Variants in GRID1 observed in about 807,000 individuals in gnomAD.
GRID1 encodes glutamate ionotropic receptor delta type subunit 1, also known as glutamate receptor ionotropic, delta-1.
Under a neutral mutation model 98.0 loss-of-function variants are expected in GRID1, and 28 were observed. The ratio of observed to expected loss-of-function variants is 0.29; its 90% confidence interval spans 0.21 to 0.39. GRID1 has a LOEUF of 0.39. GRID1 is among the 10% of genes least tolerant of loss of function. The probability of loss-of-function intolerance (pLI) is 1.00; values close to 1 mark genes in which losing one functional copy is unlikely to be tolerated. For missense variants in GRID1, 1,111 were observed against 1,340.5 expected, an observed-to-expected ratio of 0.83 and a Z score of 2.67; for synonymous variants, 553 against 538.5, an observed-to-expected ratio of 1.03 and a Z score of -0.37.
intron 15 of GRID1, chr10:85,607,144 C>T (rs1464934619): frequency 6.6e-6 from 1 of 152,194 alleles, no homozygotes; most frequent in Non-Finnish European, 1.5e-5. Flanking sequence ...CATTGTCTTG[C>T]AGAGATAAAG....
intron 12 of GRID1, among the ~76,000 whole-genome samples, chr10:85,685,644 T>C (rs900633540): frequency 2.6e-5 from 4 of 152,286 alleles, no homozygotes; most frequent in Non-Finnish European, 5.9e-5. Flanking sequence ...AATAGTTACA[T>C]AGATTTACTA....
chr10:85,650,282 T>C (rs879516193), intron 12 of GRID1: 1 of 152,334 alleles, frequency 6.6e-6, no homozygotes, highest in East Asian at 1.9e-4. Flanking sequence ...TGAGGGAGGC[T>C]TCACCAGGAG....
intron 4 of GRID1, among the ~76,000 whole-genome samples, chr10:86,048,318 G>A (rs1018135516): frequency 6.6e-6 from 1 of 152,134 alleles, no homozygotes; most frequent in Non-Finnish European, 1.5e-5. Context: ...TAAAAGTAGG[G>A]CAGAGAGGCA....
chr10:86,091,011 T>C (rs575571277), intron 4 of GRID1, among the ~76,000 whole-genome samples: 1 of 152,298 alleles, frequency 6.6e-6, no homozygotes, highest in Non-Finnish European at 1.5e-5. Context: ...TAGTAGCCCA[T>C]TCCTTCCTGG....
At chr10:86,243,730 C>A (rs1846674333) in intron 2 of GRID1, among the ~76,000 whole-genome samples, 1 of 152,114 alleles carries the variant, frequency 6.6e-6, no homozygotes, top group Admixed American at 6.5e-5. Flanking sequence ...AGTTGCTTGC[C>A]CAAAATGCCA....
intron 8 of GRID1, among the ~76,000 whole-genome samples, chr10:85,737,907 T>G (rs1439564670): frequency 1.3e-5 from 2 of 151,810 alleles, no homozygotes; most frequent in South Asian, 4.2e-4. Flanking sequence ...TTCTGCTCTA[T>G]GGCAGAGCAT....
intron 4 of GRID1, among the ~76,000 whole-genome samples, chr10:86,136,804 GA>G (rs1365897206): frequency 1.3e-5 from 2 of 152,170 alleles, no homozygotes; most frequent in Non-Finnish European, 2.9e-5. Context: ...TCCAGCAAAA[GA>G]AACTGTAGAA....
chr10:86,360,157 A>G (rs988490070), intron 2 of GRID1, among the ~76,000 whole-genome samples: 2 of 151,794 alleles, frequency 1.3e-5, no homozygotes, highest in Non-Finnish European at 2.9e-5. Context: ...CAGCATAAAT[A>G]GTTCCCTTTT....
chr10:85,798,770 T>C (rs539626830), intron 8 of GRID1, among the ~76,000 whole-genome samples: 3 of 152,308 alleles, frequency 2.0e-5, no homozygotes, highest in Admixed American at 6.5e-5. Context: ...GTCAGATGCA[T>C]AGTTTATAAA....
chr10:85,986,315 A>G (rs1165126242), intron 4 of GRID1, among the ~76,000 whole-genome samples: 1 of 152,258 alleles, frequency 6.6e-6, no homozygotes, highest in African/African-American at 2.4e-5. Flanking sequence ...TAGCAAGCCC[A>G]GAATGTTTCC....
intron 4 of GRID1, among the ~76,000 whole-genome samples, chr10:86,057,300 C>G (rs1161661044): frequency 2.0e-5 from 3 of 152,190 alleles, no homozygotes; most frequent in Non-Finnish European, 2.9e-5. Context: ...GGATTCAGGT[C>G]AGGAATGAGG....
intron 4 of GRID1, among the ~76,000 whole-genome samples, chr10:85,938,234 T>C (rs945024310): frequency 2.0e-5 from 3 of 152,156 alleles, no homozygotes; most frequent in Admixed American, 1.3e-4. Context: ...AGAAAAATAC[T>C]TGGACATATT....
chr10:85,673,579 C>A (rs1011919484), intron 12 of GRID1, among the ~76,000 whole-genome samples: 2 of 152,144 alleles, frequency 1.3e-5, no homozygotes, highest in Non-Finnish European at 2.9e-5. Flanking sequence ...AAACCCTCCA[C>A]CAGCAAAAAG....
Position 85,785,987 on chromosome 10 carries a change from C to G in GRID1, c.1234-56373G>C, listed in dbSNP as rs368443027. ...ATACCATACCCACACACTACACAGA[C>G]ACACACACGTACACATACTATACAC... On this transcript the variant is annotated intron_variant, in intron 8 of 15. Coordinates refer to ENST00000327946, the MANE Select transcript of GRID1 (RefSeq NM_017551.3). 1.8e-3 allele frequency among the ~76,000 whole-genome samples: 269 copies of G among 152,034 alleles called. 5 individuals carry two copies. In the South Asian group the frequency reaches 0.035, roughly 20 times the overall value.
intron 4 of GRID1, among the ~76,000 whole-genome samples, chr10:86,010,740 C>T (rs958438321): frequency 1.3e-5 from 2 of 151,108 alleles, no homozygotes; most frequent in Non-Finnish European, 2.9e-5. Context: ...GTTGCTTGAA[C>T]CTGGGAGGAA....
intron 3 of GRID1, among the ~76,000 whole-genome samples, chr10:86,148,625 CA>C (rs1316847307): frequency 6.6e-6 from 1 of 151,548 alleles, no homozygotes; most frequent in Non-Finnish European, 1.5e-5. Context: ...GTTCTCACCA[CA>C]AAAAAATAAG....
At chr10:85,845,809 C>T (rs1843000139) in intron 8 of GRID1, among the ~76,000 whole-genome samples, 1 of 152,148 alleles carries the variant, frequency 6.6e-6, no homozygotes, top group South Asian at 2.1e-4. Flanking sequence ...TCTAAAACTA[C>T]ATACAACAAT....
intron 2 of GRID1, among the ~76,000 whole-genome samples, chr10:86,337,304 T>G (rs1208661200): frequency 2.0e-5 from 3 of 152,152 alleles, no homozygotes; most frequent in Non-Finnish European, 4.4e-5. Flanking sequence ...AAAGGCTGCC[T>G]GGGAGAGTGG....
rs1848684377 is a variant in GRID1, at chr10:86,366,533, C to T, written c.-141G>A. ...CGCCCGTGCGTCTTCCCCCGCGCGC[C>T]CGCCCCTGCGCCCTGCGCCCGCCCC... On this transcript the variant is annotated 5_prime_UTR_variant, in exon 1 of 16. Transcript: ENST00000327946. This position sits in a 1 kb window ranked among gnomAD's most constrained non-coding sequence, Gnocchi z 4.1. 2.6e-6 allele frequency: 1 copy of T among 380,854 alleles called. No homozygotes were observed. The highest frequency in any genetic ancestry group is 4.3e-6 in the Non-Finnish European group (1 of 234,006). 23.6% of individuals were successfully genotyped at this position (380,854 alleles called of 1,614,324 possible). A position where few individuals can be genotyped will look rare whatever the true frequency, so the allele number is the denominator to read the frequency against.
Sources: allele counts gnomAD v4.1 joint callset (sites outside exome capture counted in the v4.1 genomes callset), GRCh38; gene constraint gnomAD v4.1.1; non-coding constraint Gnocchi (gnomAD v3.1); transcripts MANE v1.5; gene names NCBI Gene and HGNC (gene_info 2026-07-23, HGNC 2026-07-21).